LASP1: variants seen among roughly 807,000 people sequenced by gnomAD.
LASP1 encodes the protein LIM and SH3 protein 1.
A neutral mutation model predicts 38.6 loss-of-function variants in LASP1; 10 were observed. The observed-to-expected ratio is 0.26, with a 90% CI of 0.16 to 0.44. The LOEUF (loss-of-function observed/expected upper bound fraction) is 0.44. Among genes scored for constraint, LASP1 ranks in the 20% least tolerant of loss-of-function variants. The pLI is 1.00. For missense variants in LASP1, 243 were observed against 375.7 expected (o/e 0.65, Z 2.92); for synonymous variants, 132 against 140.8 (o/e 0.94, Z 0.44).
chr17:38,881,661 C>A (rs549638652), intron 2 of LASP1, among the ~76,000 whole-genome samples: 1 of 152,188 alleles, frequency 6.6e-6, no homozygotes, highest in Non-Finnish European at 1.5e-5. Flanking sequence ...TGAAGCATCA[C>A]GTGCTCCATG....
At chr17:38,891,986 G>A (rs561948435) in intron 3 of LASP1, among the ~76,000 whole-genome samples, 1 of 152,258 alleles carries the variant, frequency 6.6e-6, no homozygotes, top group African/African-American at 2.4e-5. Flanking sequence ...CTACTTGGGA[G>A]TTTGAGGCGG....
chr17:38,918,822 G>A lies in LASP1; in HGVS notation c.*44G>A, dbSNP rs775926173. On this transcript the variant is annotated 3_prime_UTR_variant, in exon 7 of 7. Transcript: ENST00000318008. The surrounding 1 kb of genome is among the most constrained non-coding windows in gnomAD (Gnocchi z 4.4). ...TGTCTTCAGCACATTCCACGGCATC[G>A]CATCCGTCCTGGGCGTGACCCGTCC... The A allele has an allele frequency of 5.0e-6, 8 of 1,601,482 alleles. No individual in the cohort carries two copies. The highest frequency in any genetic ancestry group is 2.2e-5 in the South Asian group (2 of 90,798).
intron 2 of LASP1, among the ~76,000 whole-genome samples, chr17:38,889,328 C>T (rs1183645138): frequency 6.6e-6 from 1 of 152,120 alleles, no homozygotes; most frequent in African/African-American, 2.4e-5. Flanking sequence ...ACCGGGGTTT[C>T]AGCATATTGA....
chr17:38,904,306 G>C (rs955349465), intron 4 of LASP1: 5 of 152,158 alleles, frequency 3.3e-5, no homozygotes, highest in African/African-American at 1.2e-4. Flanking sequence ...GAAAGAAAGT[G>C]CTGGGGCCGG....
chr17:38,871,942 G>T (rs750013079), intron 1 of LASP1, among the ~76,000 whole-genome samples: 1 of 152,064 alleles, frequency 6.6e-6, no homozygotes, highest in Non-Finnish European at 1.5e-5. Flanking sequence ...GGTTTCGCCC[G>T]CCCCTCGTGG....
intron 4 of LASP1, among the ~76,000 whole-genome samples, chr17:38,909,758 CATTT>C (rs1176172595): frequency 1.3e-5 from 2 of 148,488 alleles, no homozygotes; most frequent in East Asian, 2.0e-4. Context: ...TTCATTCATT[CATTT>C]GTTTTGAGAT....
intron 3 of LASP1, among the ~76,000 whole-genome samples, chr17:38,896,186 C>A (rs1394666962): frequency 6.6e-6 from 1 of 152,050 alleles, no homozygotes; most frequent in African/African-American, 2.4e-5. Flanking sequence ...TCACTTCTGC[C>A]ACCCCTTCCA....
intron 1 of LASP1, among the ~76,000 whole-genome samples, chr17:38,875,056 C>CGTGTGTGTGTGTGTGTGT (rs3220064): frequency 0.038 from 5,330 of 139,986 alleles, 172 homozygotes; most frequent in East Asian, 0.2. Context: ...TGTAGCCCTT[C>CGTGTGTGTGTGTGTGTGT]GTGTGTGTGT....
intron 4 of LASP1, among the ~76,000 whole-genome samples, chr17:38,914,020 A>T (rs1915035999): frequency 6.6e-6 from 1 of 151,958 alleles, no homozygotes; most frequent in Admixed American, 6.6e-5. Context: ...AAAAAAAAGA[A>T]AAGGGACCAC....
At chr17:38,870,334 G>A (rs1460367656) in intron 1 of LASP1, 76 bp downstream of exon 1, 3 of 1,522,082 alleles carry the variant, frequency 2.0e-6, no homozygotes, top group Non-Finnish European at 2.7e-6. Flanking sequence ...GAAGGGCCGG[G>A]TCTTTGCCGC....
intron 2 of LASP1, among the ~76,000 whole-genome samples, chr17:38,883,236 C>A (rs78637372): frequency 0.035 from 5,308 of 151,982 alleles, 121 homozygotes; most frequent in Non-Finnish European, 0.055. Flanking sequence ...ATAAATTAGC[C>A]GAGTGTGGTG....
chr17:38,898,523 A>ATCT lies in LASP1; in HGVS notation c.357+4_357+5insTCT. ...GACCCAGGACCAGATCAGTAACGTG[A>ATCT]GCTCTTGCCCTGCCCTGCGGCATCC... On this transcript the variant is annotated splice_donor_region_variant and intron_variant, in intron 4 of 6. Coordinates refer to ENST00000318008, the MANE Select transcript of LASP1 (RefSeq NM_006148.4). 1 of 1,542,698 alleles carries ATCT rather than the reference A, an allele frequency of 6.5e-7. No homozygotes were observed. The highest frequency in any genetic ancestry group is 8.8e-7 in the Non-Finnish European group (1 of 1,138,792).
chr17:38,900,253 G>A (rs990098857), intron 4 of LASP1, among the ~76,000 whole-genome samples: 1 of 145,128 alleles, frequency 6.9e-6, no homozygotes, highest in Admixed American at 7.0e-5. Context: ...GATAGCACAC[G>A]CCTGTGGTCC....
At chr17:38,913,326 T>A (rs1307261799) in intron 4 of LASP1, among the ~76,000 whole-genome samples, 1 of 152,180 alleles carries the variant, frequency 6.6e-6, no homozygotes, top group Non-Finnish European at 1.5e-5. Flanking sequence ...AAGGAGCCCA[T>A]CCAAGACAAT....
At chr17:38,908,303 G>C (rs1216353605) in intron 4 of LASP1, among the ~76,000 whole-genome samples, 2 of 152,234 alleles carry the variant, frequency 1.3e-5, no homozygotes, top group East Asian at 3.9e-4. Context: ...AAGGGAAGCT[G>C]ACCTTTCCCA....
rs1309322181 is a variant in LASP1 at position 38,918,139 on chromosome 17, C to CCAA, written c.613-466_613-465insCAA. On this transcript the variant is annotated intron_variant, in intron 6 of 6. Transcript: ENST00000318008. This position sits in a 1 kb window ranked among gnomAD's most constrained non-coding sequence, Gnocchi z 4.4. ...TGGGTGACAAAGCAAGACTCCATCT[C>CCAA]AAAAAAAAAAAAAAAAAGAGGGAGT... Among the ~76,000 whole-genome samples, 1 of 95,050 alleles carries CCAA rather than the reference C, an allele frequency of 1.1e-5. No individual in the cohort carries two copies. The highest frequency in any genetic ancestry group is 4.0e-5 in the African/African-American group (1 of 25,122). 62.4% of individuals were successfully genotyped at this position (95,050 alleles called of 152,430 possible). A position where few individuals can be genotyped will look rare whatever the true frequency, so the allele number is the denominator to read the frequency against.
At chr17:38,912,083 C>T (rs1307910100) in intron 4 of LASP1, among the ~76,000 whole-genome samples, 2 of 152,224 alleles carry the variant, frequency 1.3e-5, no homozygotes, top group African/African-American at 2.4e-5. Flanking sequence ...CGTGATCCAC[C>T]GTGCTCGGCC....
Position 38,874,899 on chromosome 17 carries a change from C to A in LASP1, c.70-3187C>A, listed in dbSNP as rs537640762. On this transcript the variant is annotated intron_variant, in intron 1 of 6. Coordinates refer to ENST00000318008, the MANE Select transcript of LASP1 (RefSeq NM_006148.4). The stretch of plus-strand genomic sequence containing the variant: ...GGGTCCAGTGTTGGCCCTGTGCCCC[C>A]TGCCTGCTCAGTACACCCCACCCTC... Among the ~76,000 whole-genome samples the A allele has an allele frequency of 2.0e-5, 3 of 152,256 alleles. No homozygotes were observed. The East Asian group carries it at 5.8e-4, about 29-fold the overall frequency.
intron 2 of LASP1, among the ~76,000 whole-genome samples, chr17:38,881,410 G>A (rs1259764109): frequency 6.6e-6 from 1 of 152,134 alleles, no homozygotes; most frequent in Non-Finnish European, 1.5e-5. Context: ...CCTAGTAGCT[G>A]GGACCACAGG....
Sources: allele counts gnomAD v4.1 joint callset (sites outside exome capture counted in the v4.1 genomes callset), GRCh38; gene constraint gnomAD v4.1.1; non-coding constraint Gnocchi (gnomAD v3.1); transcripts MANE v1.5; gene names NCBI Gene and HGNC (gene_info 2026-07-23, HGNC 2026-07-21).